ZAN: variants seen among roughly 807,000 people sequenced by gnomAD.
The protein encoded by ZAN is zonadhesin (gene/pseudogene).
A neutral mutation model predicts 286.2 loss-of-function variants in ZAN; 260 were observed. That is an observed-to-expected ratio of 0.91 (90% confidence interval 0.82 to 1.01). ZAN has a LOEUF of 1.01. Ranked by LOEUF, ZAN falls within the 50% of genes least tolerant of loss-of-function variation. The probability of loss-of-function intolerance (pLI) is 0.00; values close to 1 mark genes in which losing one functional copy is unlikely to be tolerated. For missense variants in ZAN, 3,410 were observed against 3,639.2 expected, an observed-to-expected ratio of 0.94 and a Z score of 1.62; for synonymous variants, 1,368 against 1,417.5, an observed-to-expected ratio of 0.97 and a Z score of 0.79.
At chr7:100,797,289 C>A in intron 45 of ZAN, 77 bp from the exon 46 acceptor site, 1 of 1,402,534 alleles carries the variant, frequency 7.1e-7, no homozygotes, top group Non-Finnish European at 1.0e-6. Flanking sequence ...GCAAGCAATC[C>A]CCAAAAGGGA....
chr7:100,759,757 AG>A lies in ZAN; in HGVS notation c.3611del (p.Gly1204AspfsTer8), dbSNP rs1299472096. ...FFRVTAKNEE[Q>X]GQEGVSCLSK... ...AGGGTGACAGCCAAGAATGAGGAGC[AG>A]GGACAGGAAGGCGTGTCCTGCCTGA... On this transcript the variant is annotated frameshift_variant, in exon 18 of 48. Transcript: ENST00000613979. LOFTEE classifies it high-confidence loss of function. 3 of 1,596,438 alleles carry A rather than the reference AG, an allele frequency of 1.9e-6. No homozygotes were observed. Among genetic ancestry groups the A allele is most frequent in the Non-Finnish European group, 2.6e-6 (3 of 1,171,784 alleles).
rs754007584 is a variant in ZAN at position 100,739,421 on chromosome 7, T to A, written c.766+808T>A. 1.7e-4 allele frequency among the ~76,000 whole-genome samples: 24 copies of A among 138,414 alleles called. 2 individuals are homozygous for A. The East Asian group carries it at 4.8e-3, about 28-fold the overall frequency. 90.8% of individuals were successfully genotyped at this position (138,414 alleles called of 152,430 possible). The stretch of plus-strand genomic sequence containing the variant: ...AAAACAGACAAGGAAGAGTAGGGTG[T>A]GGTAGCGGGGGGGCAGTTACCGACA... On this transcript the variant is annotated intron_variant, in intron 7 of 47. Transcript: ENST00000613979.
intron 39 of ZAN, among the ~76,000 whole-genome samples, chr7:100,790,355 G>T (rs1272103844): frequency 6.6e-6 from 1 of 150,730 alleles, no homozygotes; most frequent in Non-Finnish European, 1.5e-5. Flanking sequence ...GAGGTCAGGA[G>T]ATCGAGACCA....
At position 100,768,018 on chromosome 7, in the gene ZAN, T is replaced by C; in HGVS notation, c.5041+7T>C. 1 of 1,608,144 alleles carries C rather than the reference T, an allele frequency of 6.2e-7. No homozygotes were observed. The highest frequency in any genetic ancestry group is 2.2e-5 in the East Asian group (1 of 44,834). The stretch of plus-strand genomic sequence containing the variant: ...CAGCTCTGTGGGCTGTGTGGTGAGT[T>C]TCCTGGGCACCTGCGGGGAAAGCTG... On this transcript the variant is annotated splice_region_variant and intron_variant, in intron 26 of 47. Transcript: ENST00000613979.
At chr7:100,755,112 T>C in intron 14 of ZAN, 114 bp from the exon 15 acceptor site, 2 of 1,278,232 alleles carry the variant, frequency 1.6e-6, no homozygotes, top group Non-Finnish European at 2.2e-6. Context: ...TATGGCTAAA[T>C]AATATGGTCC....
intron 42 of ZAN, 38 bp from the exon 43 acceptor site, chr7:100,793,782 C>T: frequency 6.5e-7 from 1 of 1,548,582 alleles, no homozygotes; most frequent in South Asian, 1.3e-5. Flanking sequence ...TTGGCCTGCC[C>T]AGCCCCAGCC....
chr7:100,751,299 C>G, intron 13 of ZAN, 33 bp downstream of exon 13: 1 of 1,492,988 alleles, frequency 6.7e-7, no homozygotes, highest in East Asian at 2.4e-5. Context: ...AGGAAGGGGG[C>G]GGTGCCCTGA....
intron 11 of ZAN, among the ~76,000 whole-genome samples, chr7:100,749,860 G>A (rs547641764): frequency 6.6e-6 from 1 of 150,482 alleles, no homozygotes; most frequent in African/African-American, 2.4e-5. Flanking sequence ...AGACTAGCCT[G>A]GCCAACATGG....
chr7:100,794,143 G>A lies in ZAN; in HGVS notation c.8010G>A (p.Glu2670=), dbSNP rs1336467620. The A allele has an allele frequency of 6.2e-7, 1 of 1,613,912 alleles. No homozygotes were observed. Among genetic ancestry groups the A allele is most frequent in the African/African-American group, 1.3e-5 (1 of 74,940 alleles). Reference sequence around the variant, plus strand: ...AGCTGGGCAGCAGCTTTCTGACTGAGGACTGCTCTCAGCGGTGCACCTGTG... The same window carrying A: ...AGCTGGGCAGCAGCTTTCTGACTGAAGACTGCTCTCAGCGGTGCACCTGTG... ...YYQLGSSFLT[E]DCSQRCTCAS... Residue 2670 remains glutamate (E), a synonymous_variant, in exon 44 of 48, where the codon GAG becomes GAA. Transcript: ENST00000613979.
chr7:100,745,171 A>G (rs1445419803), intron 7 of ZAN, among the ~76,000 whole-genome samples: 9 of 151,714 alleles, frequency 5.9e-5, no homozygotes, highest in African/African-American at 1.9e-4. Context: ...GGCGTGAGCC[A>G]CCGCGCCAGC....
At position 100,773,774 on chromosome 7, in the gene ZAN, C is replaced by A. The variant is rs144009891; in HGVS notation, c.5688C>A (p.Ser1896=). 6.2e-7 allele frequency: 1 copy of A among 1,612,156 alleles called. No homozygotes were observed. The highest frequency in any genetic ancestry group is 8.5e-7 in the Non-Finnish European group (1 of 1,179,094). Residue 1896 remains serine (S), a synonymous_variant, in exon 31 of 48, where the codon TCC becomes TCA. Transcript: ENST00000613979. ...ENTCTRLCTC[S]VHNNITCFQS... is the part of the protein sequence containing the mutation. ...CCTGCACCAGGCTCTGCACCTGCTC[C>A]GTCCACAACAACATCACCTGCTTCC...
Position 100,779,542 on chromosome 7 carries a change from G to A in ZAN, c.6414G>A (p.Arg2138=), listed in dbSNP as rs1400958280. ...NCRAADLRRA[R]EKCEAALRAP... is the part of the protein sequence containing the mutation. Reference sequence around the variant, plus strand: ...GGGCGGCCGACCTCCGCAGGGCGCGGGAAAAGTGCGAGGCAGCGCTCCGGG... The same window carrying A: ...GGGCGGCCGACCTCCGCAGGGCGCGAGAAAAGTGCGAGGCAGCGCTCCGGG... Residue 2138 remains arginine, a synonymous_variant, in exon 35 of 48, where the codon CGG becomes CGA. Coordinates refer to ENST00000613979, the MANE Select transcript of ZAN (RefSeq NM_003386.3). 2.5e-6 allele frequency: 4 copies of A among 1,612,212 alleles called. No homozygotes were observed. The highest frequency in any genetic ancestry group is 4.5e-5 in the East Asian group (2 of 44,794).
At chr7:100,793,779 G>A (rs761029725) in intron 42 of ZAN, 41 bp from the exon 43 acceptor site, 3 of 1,546,634 alleles carry the variant, frequency 1.9e-6, no homozygotes, top group Non-Finnish European at 2.6e-6. Context: ...TGTTTGGCCT[G>A]CCCAGCCCCA....
chr7:100,770,025 G>A (rs1382101920), intron 28 of ZAN, 51 bp downstream of exon 28: 1 of 1,505,360 alleles, frequency 6.6e-7, no homozygotes, highest in African/African-American at 1.4e-5. Flanking sequence ...ACAGGAGGCT[G>A]GGGAGGGAGT....
intron 9 of ZAN, 121 bp from the exon 10 acceptor site, chr7:100,748,016 G>T (rs1359126072): frequency 1.2e-5 from 9 of 743,216 alleles, no homozygotes; most frequent in African/African-American, 1.8e-5. Context: ...AGAAAGAACT[G>T]AATTGAGGGT....
At chr7:100,773,085 G>A (rs1438515522) in intron 29 of ZAN, among the ~76,000 whole-genome samples, 200 bp from the exon 30 acceptor site, 1 of 151,914 alleles carries the variant, frequency 6.6e-6, no homozygotes, top group African/African-American at 2.4e-5. Flanking sequence ...TGTATTTTTA[G>A]TAGAGTCGGT....
At chr7:100,758,076 A>G (rs1809273723) in intron 15 of ZAN, 126 bp from the exon 16 acceptor site, 1 of 922,314 alleles carries the variant, frequency 1.1e-6, no homozygotes, top group African/African-American at 1.8e-5. Context: ...ACAGAGCAAG[A>G]CTCCATCACA....
intron 28 of ZAN, among the ~76,000 whole-genome samples, chr7:100,771,044 T>A (rs1810338351): frequency 6.6e-6 from 1 of 152,030 alleles, no homozygotes; most frequent in South Asian, 2.1e-4. Flanking sequence ...CCTCAAATGA[T>A]CCACCTGCCT....
Position 100,795,230 on chromosome 7 carries a change from C to A in ZAN, c.8160C>A (p.Asp2720Glu). The change falls in exon 45 of 48, where the codon GAC becomes GAA. Residue 2720 changes from aspartate (D) to glutamate (E), a missense_variant. Transcript: ENST00000613979. ...SPCLQNPCQN[D>E]GQCREQGATF... The stretch of plus-strand genomic sequence containing the variant: ...GTCTGCAGAACCCCTGTCAGAATGA[C>A]GGGCAGTGTCGGGAGCAGGGAGCCA... 3 of 1,610,734 alleles carry A rather than the reference C, an allele frequency of 1.9e-6. No individual in the cohort carries two copies. The highest frequency in any genetic ancestry group is 2.5e-6 in the Non-Finnish European group (3 of 1,178,532).
Sources: gnomAD v4.1 joint callset for allele counts (sites outside exome capture counted in the v4.1 genomes callset) on GRCh38, gnomAD v4.1.1 for gene constraint, MANE v1.5 for transcripts, NCBI Gene and HGNC (gene_info 2026-07-23, HGNC 2026-07-21) for gene names.